Variants in KCNQ1OT1 observed in about 807,000 individuals in gnomAD.
The protein encoded by KCNQ1OT1 is KCNQ1 antisense RNA 2 (non-protein coding).
exon 1 of KCNQ1OT1, chr11:2,649,189 G>A (rs577623847): frequency 2.5e-6 from 1 of 397,350 alleles, no homozygotes; most frequent in East Asian, 3.6e-5. Flanking sequence ...CTTTCATTTG[G>A]GAAATTTAAA....
chr11:2,688,544 G>A, exon 1 of KCNQ1OT1: 1 of 398,746 alleles, frequency 2.5e-6, no homozygotes, highest in African/African-American at 2.1e-5. Flanking sequence ...TGGCCCTAGT[G>A]TCAAGGTTCC....
rs1850295067 is a variant in KCNQ1OT1 at position 2,676,396 on chromosome 11, G to A, written n.23599C>T. Reference sequence around the variant, plus strand: ...GGAAGGAGCATAGTCTCTGTGTTCAGCTAGAGATTTAGCCCAATGGGCTGG... The same window carrying A: ...GGAAGGAGCATAGTCTCTGTGTTCAACTAGAGATTTAGCCCAATGGGCTGG... On this transcript the variant is annotated non_coding_transcript_exon_variant, in exon 1 of 1. Transcript: ENST00000597346. This position sits in a 1 kb window ranked among gnomAD's most constrained non-coding sequence, Gnocchi z 4.2. 1 of 398,536 alleles carries A rather than the reference G, an allele frequency of 2.5e-6. No homozygotes were observed. The highest frequency in any genetic ancestry group is 2.1e-5 in the African/African-American group (1 of 48,650). The allele number at this position is 398,536 out of a possible 1,614,324, so 24.7% of individuals were successfully genotyped here.
At position 2,670,246 on chromosome 11, in the gene KCNQ1OT1, G is replaced by A. The variant is rs552465437; in HGVS notation, n.29749C>T. The A allele has an allele frequency of 5.0e-6, 2 of 398,538 alleles. No individual in the cohort carries two copies. Among genetic ancestry groups the A allele is most frequent in the Middle Eastern group, 6.3e-4 (1 of 1,588 alleles). 24.7% of individuals were successfully genotyped at this position (398,538 alleles called of 1,614,324 possible). A position where few individuals can be genotyped will look rare whatever the true frequency, so the allele number is the denominator to read the frequency against. On this transcript the variant is annotated non_coding_transcript_exon_variant, in exon 1 of 1. Coordinates refer to ENST00000597346, the Ensembl canonical transcript of KCNQ1OT1. The surrounding 1 kb of genome is among the most constrained non-coding windows in gnomAD (Gnocchi z 4.9). ...ACCTGCCTTTGACCCTGCACATGAC[G>A]GGCGAGGGAAGAGGACCATGGTAGC...
At position 2,620,929 on chromosome 11, in the gene KCNQ1OT1, G is replaced by T. The variant is rs1033631652; in HGVS notation, n.79066C>A. The stretch of plus-strand genomic sequence containing the variant: ...TCCCATTATGGTTTGGTGTTTTTTT[G>T]TTGTTGTTGTTTTGTTTTGTTTTTT... On this transcript the variant is annotated non_coding_transcript_exon_variant, in exon 1 of 1. Coordinates refer to ENST00000597346, the Ensembl canonical transcript of KCNQ1OT1. The surrounding 1 kb of genome is among the most constrained non-coding windows in gnomAD (Gnocchi z 4.5). 1.2e-3 allele frequency: 453 copies of T among 366,996 alleles called. 4 individuals carry two copies. In the East Asian group the frequency reaches 0.016, roughly 13 times the overall value. 22.7% of individuals were successfully genotyped at this position (366,996 alleles called of 1,614,324 possible).
chr11:2,671,821 C>T lies in KCNQ1OT1; in HGVS notation n.28174G>A, dbSNP rs894333425. On this transcript the variant is annotated non_coding_transcript_exon_variant, in exon 1 of 1. Transcript: ENST00000597346. The surrounding 1 kb of genome is among the most constrained non-coding windows in gnomAD (Gnocchi z 4.7). ...TTCCCCCAAATAAATCCCTGCAACC[C>T]CACTGTGGTTATAGGTCTGAGCCTT... The T allele has an allele frequency of 2.5e-6, 1 of 398,646 alleles. No homozygotes were observed. Among genetic ancestry groups the T allele is most frequent in the Non-Finnish European group, 4.4e-6 (1 of 226,178 alleles). The allele number at this position is 398,646 out of a possible 1,614,324, so 24.7% of individuals were successfully genotyped here.
At position 2,695,328 on chromosome 11, in the gene KCNQ1OT1, T is replaced by TTGTG. The variant is rs61588088; in HGVS notation, n.4663_4666dup. On this transcript the variant is annotated non_coding_transcript_exon_variant, in exon 1 of 1. Transcript: ENST00000597346. The surrounding 1 kb of genome is among the most constrained non-coding windows in gnomAD (Gnocchi z 5.2). ...TCTCCAGGGTAATTTATTTATATCA[T>TTGTG]TGTGTGTGTGTGTGTGCACTCACGA... 20,166 of 393,924 alleles carry TTGTG rather than the reference T, an allele frequency of 0.051. 260 individuals carry two copies. Among genetic ancestry groups the TTGTG allele is most frequent in the Admixed American group, 0.072 (1,629 of 22,530 alleles). The allele number at this position is 393,924 out of a possible 1,614,324, so 24.4% of individuals were successfully genotyped here. A position where few individuals can be genotyped will look rare whatever the true frequency, so the allele number is the denominator to read the frequency against.
In KCNQ1OT1 at chr11:2,682,461, C is replaced by G; in HGVS notation, n.17534G>C. On this transcript the variant is annotated non_coding_transcript_exon_variant, in exon 1 of 1. Coordinates refer to ENST00000597346, the Ensembl canonical transcript of KCNQ1OT1. This position sits in a 1 kb window ranked among gnomAD's most constrained non-coding sequence, Gnocchi z 5.8. ...CCATATGGAGCCTGTCACGGACCCT[C>G]AGTGAATGTTTGACGAGTGAGTGAG... 1 of 387,174 alleles carries G rather than the reference C, an allele frequency of 2.6e-6. No homozygotes were observed. The highest frequency in any genetic ancestry group is 3.7e-5 in the East Asian group (1 of 27,360). 24.0% of individuals were successfully genotyped at this position (387,174 alleles called of 1,614,324 possible). A position where few individuals can be genotyped will look rare whatever the true frequency, so the allele number is the denominator to read the frequency against.
In KCNQ1OT1 at chr11:2,651,901, C is replaced by G. The variant is rs1231853322; in HGVS notation, n.48094G>C. 2.5e-6 allele frequency: 1 copy of G among 398,614 alleles called. No homozygotes were observed. The highest frequency in any genetic ancestry group is 4.4e-6 in the Non-Finnish European group (1 of 226,176). The allele number at this position is 398,614 out of a possible 1,614,324, so 24.7% of individuals were successfully genotyped here. A position where few individuals can be genotyped will look rare whatever the true frequency, so the allele number is the denominator to read the frequency against. ...GCTGAGGGGGTCATAGCCGAGGGTCCCTCTGGGGCCGCTTGCTCTCCTCCT... is the reference window on the plus strand; with the variant it reads ...GCTGAGGGGGTCATAGCCGAGGGTCGCTCTGGGGCCGCTTGCTCTCCTCCT... On this transcript the variant is annotated non_coding_transcript_exon_variant, in exon 1 of 1. Transcript: ENST00000597346. This position sits in a 1 kb window ranked among gnomAD's most constrained non-coding sequence, Gnocchi z 6.1.
In KCNQ1OT1 at chr11:2,669,023, T is replaced by C. The variant is rs1850134232; in HGVS notation, n.30972A>G. 1 of 398,576 alleles carries C rather than the reference T, an allele frequency of 2.5e-6. No individual in the cohort carries two copies. The highest frequency in any genetic ancestry group is 4.4e-5 in the Admixed American group (1 of 22,716). 24.7% of individuals were successfully genotyped at this position (398,576 alleles called of 1,614,324 possible). ...ACTCTTCCCCTACTTGGATATCCAG[T>C]CTAGCTCAGCACCCGGCATGGGAAG... On this transcript the variant is annotated non_coding_transcript_exon_variant, in exon 1 of 1. Transcript: ENST00000597346. This position sits in a 1 kb window ranked among gnomAD's most constrained non-coding sequence, Gnocchi z 5.6.
In KCNQ1OT1 at chr11:2,671,127, G is replaced by T. The variant is rs1235781598; in HGVS notation, n.28868C>A. 1.0e-5 allele frequency: 4 copies of T among 398,554 alleles called. No homozygotes were observed. Among genetic ancestry groups the T allele is most frequent in the Non-Finnish European group, 1.8e-5 (4 of 226,102 alleles). The allele number at this position is 398,554 out of a possible 1,614,324, so 24.7% of individuals were successfully genotyped here. A position where few individuals can be genotyped will look rare whatever the true frequency, so the allele number is the denominator to read the frequency against. ...CTGAGCAGTTAGTCTGTCAGGCCTG[G>T]TTGGTCCCATGGGAGGCCTGAGGTG... On this transcript the variant is annotated non_coding_transcript_exon_variant, in exon 1 of 1. Transcript: ENST00000597346. This position sits in a 1 kb window ranked among gnomAD's most constrained non-coding sequence, Gnocchi z 4.7.
Position 2,663,268 on chromosome 11 carries a change from C to T in KCNQ1OT1, n.36727G>A, listed in dbSNP as rs1334397907. On this transcript the variant is annotated non_coding_transcript_exon_variant, in exon 1 of 1. Transcript: ENST00000597346. The surrounding 1 kb of genome is among the most constrained non-coding windows in gnomAD (Gnocchi z 5.2). ...AAGCAGGGGTGACTAGTCATGGACA[C>T]CCTGAGAATAGGGCTCTGAGCTTCT... The T allele has an allele frequency of 2.5e-6, 1 of 398,540 alleles. No homozygotes were observed. Among genetic ancestry groups the T allele is most frequent in the Non-Finnish European group, 4.4e-6 (1 of 226,150 alleles). 24.7% of individuals were successfully genotyped at this position (398,540 alleles called of 1,614,324 possible).
Position 2,689,339 on chromosome 11 carries a change from C to G in KCNQ1OT1, n.10656G>C, listed in dbSNP as rs143321391. ...CTCAGGACTGCCCCTATCCGCAGAGCTTGAGGCCTTTAGGTCAGCCTTGGG... is the reference window on the plus strand; with the variant it reads ...CTCAGGACTGCCCCTATCCGCAGAGGTTGAGGCCTTTAGGTCAGCCTTGGG... On this transcript the variant is annotated non_coding_transcript_exon_variant, in exon 1 of 1. Coordinates refer to ENST00000597346, the Ensembl canonical transcript of KCNQ1OT1. 27 of 398,686 alleles carry G rather than the reference C, an allele frequency of 6.8e-5. 2 individuals are homozygous for G. Among genetic ancestry groups the G allele is most frequent in the African/African-American group, 4.7e-4 (23 of 48,756 alleles). The allele number at this position is 398,686 out of a possible 1,614,324, so 24.7% of individuals were successfully genotyped here.
rs1590015604 is a variant in KCNQ1OT1, at chr11:2,662,519, G to A, written n.37476C>T. 7.0e-6 allele frequency: 3 copies of A among 426,274 alleles called. No individual in the cohort carries two copies. The Admixed American group carries it at 1.2e-4, about 17-fold the overall frequency. 26.4% of individuals were successfully genotyped at this position (426,274 alleles called of 1,614,324 possible). On this transcript the variant is annotated non_coding_transcript_exon_variant, in exon 1 of 1. Transcript: ENST00000597346. ...TCCTCAGGGGCTCCTTCAGGTGGAG[G>A]AAATGGCTGATTTTCCACGCCTTCC...
At chr11:2,666,292 G>A (rs1277168179) in exon 1 of KCNQ1OT1, 2 of 398,590 alleles carry the variant, frequency 5.0e-6, no homozygotes, top group Non-Finnish European at 8.8e-6. Flanking sequence ...GTGGAAAGAA[G>A]GCAGAGGGAA....
chr11:2,659,496 G>A lies in KCNQ1OT1; in HGVS notation n.40499C>T. ...GCATGAATATATACATTTTGTTTAT[G>A]CATTCACCTGTTGAAGGACATCTTC... On this transcript the variant is annotated non_coding_transcript_exon_variant, in exon 1 of 1. Transcript: ENST00000597346. This position sits in a 1 kb window ranked among gnomAD's most constrained non-coding sequence, Gnocchi z 4.3. 2.5e-6 allele frequency: 1 copy of A among 398,500 alleles called. No individual in the cohort carries two copies. The highest frequency in any genetic ancestry group is 3.6e-5 in the East Asian group (1 of 28,050). The allele number at this position is 398,500 out of a possible 1,614,324, so 24.7% of individuals were successfully genotyped here.
chr11:2,627,404 G>T lies in KCNQ1OT1; in HGVS notation n.72591C>A, dbSNP rs1246639980. ...GTCACCAATCTGGACGTTATGTCAA[G>T]AACTTATTCATCTGATAACTCTATG... On this transcript the variant is annotated non_coding_transcript_exon_variant, in exon 1 of 1. Transcript: ENST00000597346. This position sits in a 1 kb window ranked among gnomAD's most constrained non-coding sequence, Gnocchi z 4.9. The T allele has an allele frequency of 2.5e-6, 1 of 398,392 alleles. No individual in the cohort carries two copies. Among genetic ancestry groups the T allele is most frequent in the Non-Finnish European group, 4.4e-6 (1 of 226,000 alleles). The allele number at this position is 398,392 out of a possible 1,614,324, so 24.7% of individuals were successfully genotyped here.
Position 2,679,336 on chromosome 11 carries a change from CACT to C in KCNQ1OT1, n.20656_20658del. 1 of 398,644 alleles carries C rather than the reference CACT, an allele frequency of 2.5e-6. No homozygotes were observed. Among genetic ancestry groups the C allele is most frequent in the Non-Finnish European group, 4.4e-6 (1 of 226,072 alleles). 24.7% of individuals were successfully genotyped at this position (398,644 alleles called of 1,614,324 possible). ...GGAGTCTGAACTCATATCCTAATTCCACTACTTTCTACCTGCTACACCTTGAGT... is the reference window on the plus strand; with the variant it reads ...GGAGTCTGAACTCATATCCTAATTCCACTTTCTACCTGCTACACCTTGAGT... On this transcript the variant is annotated non_coding_transcript_exon_variant, in exon 1 of 1. Transcript: ENST00000597346. This position sits in a 1 kb window ranked among gnomAD's most constrained non-coding sequence, Gnocchi z 4.8.
chr11:2,682,053 C>T lies in KCNQ1OT1; in HGVS notation n.17942G>A, dbSNP rs776918612. The T allele has an allele frequency of 1.8e-5, 7 of 398,482 alleles. No individual in the cohort carries two copies. Among genetic ancestry groups the T allele is most frequent in the Non-Finnish European group, 1.8e-5 (4 of 226,070 alleles). 24.7% of individuals were successfully genotyped at this position (398,482 alleles called of 1,614,324 possible). ...TTATCACTCCTGTTTTATAGATAAT[C>T]TCCTAAGGGTTGAGGGATTGAGTCT... On this transcript the variant is annotated non_coding_transcript_exon_variant, in exon 1 of 1. Coordinates refer to ENST00000597346, the Ensembl canonical transcript of KCNQ1OT1. This position sits in a 1 kb window ranked among gnomAD's most constrained non-coding sequence, Gnocchi z 5.8.
chr11:2,629,992 T>C (rs909886022), exon 1 of KCNQ1OT1: 1 of 398,432 alleles, frequency 2.5e-6, no homozygotes, highest in African/African-American at 2.1e-5. Flanking sequence ...CTTTTTCTTG[T>C]TCCTCATCTT....
Sources: allele counts gnomAD v4.1 joint callset, GRCh38; gene constraint gnomAD v4.1.1; non-coding constraint Gnocchi (gnomAD v3.1); transcripts MANE v1.5; gene names NCBI Gene and HGNC (gene_info 2026-07-23, HGNC 2026-07-21).